Variants in PCDH15 observed in about 807,000 individuals in gnomAD.
PCDH15 encodes protocadherin-15.
Under a neutral mutation model 178.5 loss-of-function variants are expected in PCDH15, and 129 were observed. The observed-to-expected ratio is 0.72, with a 90% confidence interval of 0.63 to 0.84. The LOEUF (loss-of-function observed/expected upper bound fraction) is 0.84. PCDH15 is among the 40% of genes least tolerant of loss of function. The probability of loss-of-function intolerance (pLI) is 0.00; values close to 1 mark genes in which losing one functional copy is unlikely to be tolerated. For missense variants in PCDH15, 2,230 were observed against 2,099.9 expected, an observed-to-expected ratio of 1.06 and a Z score of -1.21; for synonymous variants, 800 against 732.0, an observed-to-expected ratio of 1.09 and a Z score of -1.50.
intron 2 of PCDH15, among the ~76,000 whole-genome samples, chr10:55,076,459 C>A (rs1019088506): frequency 2.1e-5 from 3 of 145,140 alleles, no homozygotes; most frequent in Non-Finnish European, 4.5e-5. Context: ...CTTGGTGACT[C>A]TTTTTTTTTG....
intron 2 of PCDH15, among the ~76,000 whole-genome samples, chr10:54,560,911 C>G (rs1185004352): frequency 6.6e-6 from 1 of 151,962 alleles, no homozygotes; most frequent in Non-Finnish European, 1.5e-5. Flanking sequence ...GTGTCCTTGC[C>G]AGTTAGTAAC....
At chr10:55,252,806 CACAA>C (rs1327097542) in intron 1 of PCDH15, among the ~76,000 whole-genome samples, 3 of 152,008 alleles carry the variant, frequency 2.0e-5, no homozygotes, top group African/African-American at 4.8e-5. Flanking sequence ...AATGAACACA[CACAA>C]ACACACACAT....
intron 3 of PCDH15, among the ~76,000 whole-genome samples, chr10:54,463,267 A>C (rs1457413630): frequency 6.6e-6 from 1 of 152,218 alleles, no homozygotes; most frequent in East Asian, 1.9e-4. Flanking sequence ...CTATTAGAGT[A>C]AATTTCAAGC....
chr10:54,074,735 T>C (rs752580961), intron 17 of PCDH15, among the ~76,000 whole-genome samples: 12 of 152,206 alleles, frequency 7.9e-5, no homozygotes, highest in Non-Finnish European at 1.5e-4. Context: ...GGGGCTCATA[T>C]AGTAATTCTA....
At chr10:53,868,398 A>G (rs2079600776) in intron 26 of PCDH15, among the ~76,000 whole-genome samples, 1 of 152,122 alleles carries the variant, frequency 6.6e-6, no homozygotes, top group Non-Finnish European at 1.5e-5. Context: ...ACAATATAAA[A>G]AACTGAGGAA....
At chr10:55,107,433 A>T (rs975368027) in intron 2 of PCDH15, among the ~76,000 whole-genome samples, 1 of 150,810 alleles carries the variant, frequency 6.6e-6, no homozygotes, top group Non-Finnish European at 1.5e-5. Context: ...ATGAATTTTT[A>T]CCACAAATAT....
At chr10:55,345,139 G>T (rs1844714685) in intron 2 of PCDH15, among the ~76,000 whole-genome samples, 2 of 150,144 alleles carry the variant, frequency 1.3e-5, no homozygotes, top group Admixed American at 1.3e-4. Flanking sequence ...GTGTGTGTGT[G>T]TGTCTCTCTC....
intron 2 of PCDH15, among the ~76,000 whole-genome samples, chr10:55,432,872 C>T (rs1364839414): frequency 6.6e-6 from 1 of 151,848 alleles, no homozygotes; most frequent in Admixed American, 6.6e-5. Flanking sequence ...GATCCGCCCG[C>T]CTCGGCCTCC....
At chr10:53,913,822 A>G (rs1330872916) in intron 25 of PCDH15, among the ~76,000 whole-genome samples, 1 of 152,202 alleles carries the variant, frequency 6.6e-6, no homozygotes, top group Non-Finnish European at 1.5e-5. Flanking sequence ...CAGAGTGAAC[A>G]GGCAACCTAC....
chr10:55,181,172 C>T (rs1839637608), intron 1 of PCDH15, among the ~76,000 whole-genome samples: 1 of 151,936 alleles, frequency 6.6e-6, no homozygotes, highest in Non-Finnish European at 1.5e-5. Context: ...AAAAGCCATG[C>T]TGTGAAAATG....
chr10:54,645,325 G>A (rs1437547266), intron 2 of PCDH15, among the ~76,000 whole-genome samples: 1 of 152,066 alleles, frequency 6.6e-6, no homozygotes, highest in Non-Finnish European at 1.5e-5. Context: ...GACAGAGAGA[G>A]AGAGAGAAAT....
At chr10:54,988,139 C>G (rs1233433075) in intron 2 of PCDH15, among the ~76,000 whole-genome samples, 1 of 152,078 alleles carries the variant, frequency 6.6e-6, no homozygotes, top group Non-Finnish European at 1.5e-5. Context: ...CCATTGCTTG[C>G]TTTTGTCAGG....
intron 3 of PCDH15, among the ~76,000 whole-genome samples, chr10:54,412,324 G>T (rs972741212): frequency 6.6e-6 from 1 of 151,500 alleles, no homozygotes; most frequent in Admixed American, 6.6e-5. Flanking sequence ...TTCCACCTTT[G>T]TATGTTTGCT....
intron 2 of PCDH15, among the ~76,000 whole-genome samples, chr10:54,574,188 G>C (rs1590202920): frequency 6.6e-6 from 1 of 151,230 alleles, no homozygotes; most frequent in Admixed American, 6.6e-5. Flanking sequence ...AATCCATCTT[G>C]AATTAATTTT....
chr10:54,888,535 C>A (rs574236788), intron 3 of PCDH15, among the ~76,000 whole-genome samples: 1 of 151,732 alleles, frequency 6.6e-6, no homozygotes, highest in African/African-American at 2.4e-5. Flanking sequence ...TACACATATG[C>A]TTTTTATTTT....
At chr10:55,496,308 G>A (rs1450181099) in intron 2 of PCDH15, among the ~76,000 whole-genome samples, 12 of 151,734 alleles carry the variant, frequency 7.9e-5, no homozygotes, top group East Asian at 5.9e-4. Flanking sequence ...GTGTGCGTGC[G>A]CGTGCACACA....
intron 2 of PCDH15, among the ~76,000 whole-genome samples, chr10:54,957,558 T>A (rs946362119): frequency 6.6e-6 from 1 of 151,532 alleles, no homozygotes; most frequent in African/African-American, 2.4e-5. Context: ...CATCAGTAAT[T>A]GCAATACACA....
intron 3 of PCDH15, among the ~76,000 whole-genome samples, chr10:54,814,074 A>G (rs1391502140): frequency 6.6e-6 from 1 of 152,220 alleles, no homozygotes; most frequent in Non-Finnish European, 1.5e-5. Flanking sequence ...CAGCTAATTC[A>G]TAGATGTTCC....
At chr10:54,650,636 A>G (rs1010031969) in intron 2 of PCDH15, among the ~76,000 whole-genome samples, 1 of 152,138 alleles carries the variant, frequency 6.6e-6, no homozygotes, top group African/African-American at 2.4e-5. Context: ...ATGAGGAAAG[A>G]AGTTTAATGG....
Sources: gnomAD v4.1 joint callset for allele counts (sites outside exome capture counted in the v4.1 genomes callset) on GRCh38, gnomAD v4.1.1 for gene constraint, MANE v1.5 for transcripts, NCBI Gene and HGNC (gene_info 2026-07-23, HGNC 2026-07-21) for gene names.